The following HSPG2 variants were observed in gnomAD, a reference collection of about 807,000 sequenced individuals.
HSPG2 encodes the protein basement membrane-specific heparan sulfate proteoglycan core protein.
Under a neutral mutation model 526.6 loss-of-function variants are expected in HSPG2, and 278 were observed. The observed-to-expected ratio is 0.53, with a 90% CI of 0.48 to 0.58. The LOEUF (loss-of-function observed/expected upper bound fraction) is 0.58, where lower values mean the gene tolerates loss of function less well. Among genes scored for constraint, HSPG2 ranks in the 20% least tolerant of loss-of-function variants. The probability of loss-of-function intolerance (pLI) is 0.00; values close to 1 mark genes in which losing one functional copy is unlikely to be tolerated. For missense variants in HSPG2, 5,354 were observed against 6,099.5 expected (o/e 0.88, Z 4.07); for synonymous variants, 2,465 against 2,555.4 (o/e 0.96, Z 1.07).
rs891927615 is a variant in HSPG2, at chr1:21,895,856, G to A, written c.244+66C>T. ...CAGGCCCAAGGAGCCCTCAGCCCAG[G>A]AGACTGGCTCTGGGGCTTCCCTGGG... On this transcript the variant is annotated intron_variant, in intron 3 of 96. Transcript: ENST00000374695. This position sits in a 1 kb window ranked among gnomAD's most constrained non-coding sequence, Gnocchi z 4.1. 1.4e-4 allele frequency: 212 copies of A among 1,496,888 alleles called. No individual in the cohort carries two copies. The highest frequency in any genetic ancestry group is 1.9e-4 in the Non-Finnish European group (205 of 1,074,488). The allele number at this position is 1,496,888 out of a possible 1,614,324, so 92.7% of individuals were successfully genotyped here.
At position 21,857,360 on chromosome 1, in the gene HSPG2, C is replaced by T. The variant is rs1346390424; in HGVS notation, c.5319G>A (p.Val1773=). 6.2e-7 allele frequency: 1 copy of T among 1,613,884 alleles called. No individual in the cohort carries two copies. Among genetic ancestry groups the T allele is most frequent in the Non-Finnish European group, 8.5e-7 (1 of 1,180,034 alleles). Residue 1773 remains valine (V), a synonymous_variant, in exon 43 of 97, where the codon GTG becomes GTA. Transcript: ENST00000374695. ...VTEAPSKPIT[V]TVEEQRSQSV... is the part of the protein sequence containing the mutation. The stretch of plus-strand genomic sequence containing the variant: ...TCTGGCTCCGCTGCTCCTCCACAGT[C>T]ACTGTGATGGGCTTGCTTGGAGCCT...
At position 21,874,659 on chromosome 1, in the gene HSPG2, T is replaced by C. The variant is rs776610477; in HGVS notation, c.3485A>G (p.His1162Arg). The C allele has an allele frequency of 1.8e-5, 29 of 1,613,186 alleles. No individual in the cohort carries two copies. Among genetic ancestry groups the C allele is most frequent in the South Asian group, 5.5e-5 (5 of 90,924 alleles). Reference sequence around the variant, plus strand: ...TGGCTCGCAGGCCTCTGAGTGGCCATGGCAGCTGCAGCGTTCACAGGTACC... The same window carrying C: ...TGGCTCGCAGGCCTCTGAGTGGCCACGGCAGCTGCAGCGTTCACAGGTACC... Reference protein sequence around the residue: ...YLGTCERCSCHGHSEACEPET... With the variant: ...YLGTCERCSCRGHSEACEPET... The change falls in exon 27 of 97, where the codon CAT (histidine) becomes CGT (arginine). Residue 1162 changes from histidine to arginine, a missense_variant. His to Arg is a conservative substitution (Grantham distance 29, BLOSUM62 0). Transcript: ENST00000374695.
rs928196274 is a variant in HSPG2, at chr1:21,880,796, A to G, written c.1858T>C (p.Tyr620His). ...YGGSLRYNVR[Y>H]ELARGMLEPV... ...TCCAGCATGCCACGGGCCAACTCGT[A>G]GCGCACGTTGTAACGCAGGGAGCCG... is the stretch of plus-strand genomic sequence containing the variant. The change falls in exon 15 of 97, where the codon TAC becomes CAC. Residue 620 changes from tyrosine to histidine, a missense_variant. By Grantham distance (83) the Tyr-to-His change is moderately conservative. Coordinates refer to ENST00000374695, the MANE Select transcript of HSPG2 (RefSeq NM_005529.7). The G allele has an allele frequency of 6.3e-6, 10 of 1,597,764 alleles. No homozygotes were observed. In the African/African-American group the frequency reaches 1.2e-4, roughly 19 times the overall value.
In HSPG2 at chr1:21,887,959, T is replaced by G; in HGVS notation, c.682A>C (p.Met228Leu). 1 of 1,614,126 alleles carries G rather than the reference T, an allele frequency of 6.2e-7. No individual in the cohort carries two copies. Among genetic ancestry groups the G allele is most frequent in the Non-Finnish European group, 8.5e-7 (1 of 1,180,020 alleles). Residue 228 changes from methionine to leucine, a missense_variant, in exon 7 of 97, where the codon ATG (methionine) becomes CTG (leucine). Met to Leu is a conservative substitution (Grantham distance 15). Transcript: ENST00000374695. This position sits in a 1 kb window ranked among gnomAD's most constrained non-coding sequence, Gnocchi z 5.0. ...RCDRRPDCRDMSDELNCEEPV... is the reference protein window; with the variant it reads ...RCDRRPDCRDLSDELNCEEPV... ...TCACCACAATTGAGCTCATCAGACA[T>G]GTCCCTGCAGTCGGGCCGCCGGTCA... is the stretch of plus-strand genomic sequence containing the variant.
intron 1 of HSPG2, among the ~76,000 whole-genome samples, chr1:21,916,068 G>GAAAAAAAAA (rs550337052): frequency 2.1e-5 from 1 of 47,740 alleles, no homozygotes. Flanking sequence ...AAAAGAAGAA[G>GAAAAAAAAA]AAGAAAAAAA....
At position 21,864,120 on chromosome 1, in the gene HSPG2, G is replaced by A; in HGVS notation, c.4720C>T (p.Pro1574Ser). The A allele has an allele frequency of 1.3e-6, 2 of 1,554,984 alleles. No individual in the cohort carries two copies. Among genetic ancestry groups the A allele is most frequent in the East Asian group, 2.4e-5 (1 of 41,232 alleles). The part of the protein sequence containing the change: ...ECNGHSDLCH[P>S]ETGACSQCQH... ...CTCACCGAGCAGGCCCCAGTCTCTG[G>A]GTGGCACAGGTCTGAGTGGCCATTG... Residue 1574 changes from proline to serine, a missense_variant, in exon 37 of 97, where the codon CCA becomes TCA. Transcript: ENST00000374695. The surrounding 1 kb of genome is among the most constrained non-coding windows in gnomAD (Gnocchi z 4.8).
intron 1 of HSPG2, among the ~76,000 whole-genome samples, chr1:21,917,362 G>C (rs1001682008): frequency 1.3e-5 from 2 of 151,904 alleles, no homozygotes; most frequent in African/African-American, 4.8e-5. Flanking sequence ...GAGCCCAGGA[G>C]GTCGAGGCTG....
In HSPG2 at chr1:21,874,976, G is replaced by A; in HGVS notation, c.3329C>T (p.Ala1110Val). 6.2e-7 allele frequency: 1 copy of A among 1,607,496 alleles called. No homozygotes were observed. The highest frequency in any genetic ancestry group is 1.1e-5 in the South Asian group (1 of 89,760). ...GTCCTGGCCGGTTTCCTCGGGCACAGCCACGTCCATGCTGATGCCAGAGAC... is the reference window on the plus strand; with the variant it reads ...GTCCTGGCCGGTTTCCTCGGGCACAACCACGTCCATGCTGATGCCAGAGAC... ...SRVSGISMDV[A>V]VPEETGQDPA... is the part of the protein sequence containing the mutation. The change falls in exon 26 of 97, where the codon GCT (alanine) becomes GTT (valine). Residue 1110 changes from alanine to valine, a missense_variant. Transcript: ENST00000374695.
Position 21,872,699 on chromosome 1 carries a change from C to T in HSPG2, c.3950G>A (p.Ser1317Asn). The T allele has an allele frequency of 1.2e-6, 2 of 1,608,986 alleles. No individual in the cohort carries two copies. Among genetic ancestry groups the T allele is most frequent in the South Asian group, 2.2e-5 (2 of 89,722 alleles). The change falls in exon 32 of 97, where the codon AGC (serine) becomes AAC (asparagine). Residue 1317 changes from serine (S) to asparagine (N), a missense_variant. Physicochemically the swap from Ser to Asn is conservative, Grantham distance 46. Coordinates refer to ENST00000374695, the MANE Select transcript of HSPG2 (RefSeq NM_005529.7). This position sits in a 1 kb window ranked among gnomAD's most constrained non-coding sequence, Gnocchi z 5.5. ...GCAGGGCAGGCAGCCGTCTGGGTTG[C>T]TGGCACTCAGGTGGAAGTGGTGGGG... is the stretch of plus-strand genomic sequence containing the variant. The part of the protein sequence containing the change: ...CRPHHFHLSA[S>N]NPDGCLPCFC...
chr1:21,889,415 T>C (rs1439751211), intron 6 of HSPG2, among the ~76,000 whole-genome samples: 1 of 152,216 alleles, frequency 6.6e-6, no homozygotes, highest in African/African-American at 2.4e-5. Context: ...AGTTTCCTAG[T>C]CTCTCTGTGC....
chr1:21,874,377 G>A, intron 28 of HSPG2, 29 bp downstream of exon 28: 2 of 1,610,606 alleles, frequency 1.2e-6, no homozygotes, highest in South Asian at 2.2e-5. Flanking sequence ...TTTCAGGGAA[G>A]GGCAGGTGCA....
At position 21,890,656 on chromosome 1, in the gene HSPG2, C is replaced by G. The variant is rs145704241; in HGVS notation, c.283G>C (p.Glu95Gln). ...RALVNFTRSI[E>Q]YSPQLEDAGS... ...GCATCCTCCAGCTGAGGGCTGTACT[C>G]GATGGAGCGAGTGAAATTCACCAGG... is the stretch of plus-strand genomic sequence containing the variant. The change falls in exon 4 of 97, where the codon GAG becomes CAG. Residue 95 changes from glutamate (E) to glutamine (Q), a missense_variant. Physicochemically the swap from Glu to Gln is conservative, Grantham distance 29 (BLOSUM62 2). Transcript: ENST00000374695. The surrounding 1 kb of genome is among the most constrained non-coding windows in gnomAD (Gnocchi z 4.1). 3.1e-5 allele frequency: 50 copies of G among 1,614,048 alleles called. No individual in the cohort carries two copies. In the African/African-American group the frequency reaches 6.4e-4, roughly 21 times the overall value.
intron 9 of HSPG2, among the ~76,000 whole-genome samples, chr1:21,885,821 A>G (rs755390140): frequency 2.0e-5 from 3 of 152,254 alleles, no homozygotes; most frequent in Non-Finnish European, 4.4e-5. Context: ...TCTGGGCGCC[A>G]GCAATGCCCC....
In HSPG2 at chr1:21,859,057, T is replaced by C. The variant is rs572023868; in HGVS notation, c.5293+509A>G. On this transcript the variant is annotated intron_variant, in intron 42 of 96. Transcript: ENST00000374695. This position sits in a 1 kb window ranked among gnomAD's most constrained non-coding sequence, Gnocchi z 5.3. ...TGACTCTGAGGTGCATTATTATTAT[T>C]ATTTTTTTAAGACAGAGTCTTGCTC... Among the ~76,000 whole-genome samples, 1 of 152,140 alleles carries C rather than the reference T, an allele frequency of 6.6e-6. No homozygotes were observed. The highest frequency in any genetic ancestry group is 1.5e-5 in the Non-Finnish European group (1 of 68,012).
chr1:21,861,374 G>A (rs1224913023), intron 39 of HSPG2, among the ~76,000 whole-genome samples: 1 of 152,054 alleles, frequency 6.6e-6, no homozygotes, highest in African/African-American at 2.4e-5. Flanking sequence ...AATTCAAAAA[G>A]TGGCTGGGCA....
chr1:21,896,386 AG>A (rs1642750205), intron 1 of HSPG2, 76 bp from the exon 2 acceptor site: 2 of 1,554,636 alleles, frequency 1.3e-6, no homozygotes, highest in Admixed American at 1.7e-5. Context: ...CCTCACTTCC[AG>A]GGGGACCCAG....
Position 21,831,682 on chromosome 1 carries a change from ACCCACAATCAGGGAG to A in HSPG2, c.11307_11321del (p.Ser3770_Gly3774del). The A allele has an allele frequency of 6.2e-7, 1 of 1,605,934 alleles. No homozygotes were observed. The highest frequency in any genetic ancestry group is 1.1e-5 in the South Asian group (1 of 89,908). On this transcript the variant is annotated inframe_deletion, in exon 82 of 97. Transcript: ENST00000374695. ...AGGTCCCATTGACCGGGGCCAGGTC[ACCCACAATCAGGGAG>A]CCCTGGGTGAGGCTGCGCAGCAGGG... is the stretch of plus-strand genomic sequence containing the variant.
chr1:21,911,163 C>T (rs890310129), intron 1 of HSPG2, among the ~76,000 whole-genome samples: 1 of 152,198 alleles, frequency 6.6e-6, no homozygotes, highest in Admixed American at 6.5e-5. Context: ...TTCTTCAGGT[C>T]GTTGGTAGGA....
chr1:21,843,557 C>A (rs1272807486), intron 65 of HSPG2, 119 bp from the exon 66 acceptor site: 9 of 1,095,248 alleles, frequency 8.2e-6, no homozygotes, highest in Non-Finnish European at 1.2e-5. Flanking sequence ...CTGTTGGAGG[C>A]GACCCCTTTG....
Sources: allele counts gnomAD v4.1 joint callset (sites outside exome capture counted in the v4.1 genomes callset), GRCh38; gene constraint gnomAD v4.1.1; non-coding constraint Gnocchi (gnomAD v3.1); transcripts MANE v1.5; gene names NCBI Gene and HGNC (gene_info 2026-07-23, HGNC 2026-07-21).